Variants in ACYP2 observed in about 807,000 individuals in gnomAD.
ACYP2 encodes acylphosphatase 2.
Under a neutral mutation model 11.2 loss-of-function variants are expected in ACYP2, and 12 were observed. That is an observed-to-expected ratio of 1.08 (90% CI 0.69 to 1.74). The LOEUF is 1.74. Ranked by LOEUF, ACYP2 falls within the 40% of genes most tolerant of loss-of-function variation. ACYP2 has a pLI of 0.00. For missense variants in ACYP2, 134 were observed against 101.9 expected, an observed-to-expected ratio of 1.31 and a Z score of -1.35; for synonymous variants, 43 against 32.2, an observed-to-expected ratio of 1.33 and a Z score of -1.13.
intron 2 of ACYP2, among the ~76,000 whole-genome samples, chr2:54,011,737 ATTT>A (rs5831287): frequency 6.6e-6 from 1 of 150,648 alleles, no homozygotes; most frequent in African/African-American, 2.4e-5. Flanking sequence ...TTTTTGGTGT[ATTT>A]TTTTTTTTAA....
At chr2:54,197,955 T>C (rs557065142) in intron 6 of ACYP2, among the ~76,000 whole-genome samples, 5 of 29,756 alleles carry the variant, frequency 1.7e-4, no homozygotes, top group Non-Finnish European at 3.2e-4. Context: ...TTGTATTGTA[T>C]TGTATTGTAT....
intron 6 of ACYP2, among the ~76,000 whole-genome samples, chr2:54,244,643 T>C (rs1000234976): frequency 2.0e-5 from 3 of 152,230 alleles, no homozygotes; most frequent in Non-Finnish European, 2.9e-5. Context: ...CCTTCAACTA[T>C]TGTAGCTTTA....
At chr2:54,136,050 C>CT (rs1395760676) in intron 5 of ACYP2, among the ~76,000 whole-genome samples, 1 of 152,148 alleles carries the variant, frequency 6.6e-6, no homozygotes, top group Non-Finnish European at 1.5e-5. Context: ...CAGGTGCCTG[C>CT]TACGACATCC....
intron 6 of ACYP2, among the ~76,000 whole-genome samples, chr2:54,160,048 C>T (rs78611787): frequency 6.6e-6 from 1 of 152,308 alleles, no homozygotes; most frequent in East Asian, 1.9e-4. Flanking sequence ...CCCCACCTCC[C>T]CCTCAAGAGA....
intron 2 of ACYP2, among the ~76,000 whole-genome samples, chr2:54,012,571 G>A (rs1421805616): frequency 6.6e-6 from 1 of 152,140 alleles, no homozygotes; most frequent in Non-Finnish European, 1.5e-5. Context: ...TCCCTATGCT[G>A]ACTAGAAGCA....
chr2:54,119,051 C>CTTTTTTTTTTT (rs10542497), intron 4 of ACYP2, among the ~76,000 whole-genome samples: 10 of 43,772 alleles, frequency 2.3e-4, no homozygotes, highest in African/African-American at 1.1e-3. Flanking sequence ...TCTTAGTAGT[C>CTTTTTTTTTTT]TTTTTTTTTT....
intron 6 of ACYP2, chr2:54,143,321 C>A (rs1441186416): frequency 6.6e-6 from 1 of 152,086 alleles, no homozygotes; most frequent in African/African-American, 2.4e-5. Context: ...CTTGAATTAG[C>A]CTTTGATTGG....
chr2:54,124,009 C>T (rs1680313274), intron 4 of ACYP2, among the ~76,000 whole-genome samples: 1 of 152,142 alleles, frequency 6.6e-6, no homozygotes, highest in African/African-American at 2.4e-5. Context: ...ACTAGCTGTG[C>T]CTGTCACAGT....
At chr2:54,141,290 T>G (rs534772314) in intron 6 of ACYP2, among the ~76,000 whole-genome samples, 1 of 152,226 alleles carries the variant, frequency 6.6e-6, no homozygotes, top group South Asian at 2.1e-4. Context: ...ATAAATTGTT[T>G]TTCATTTTTA....
intron 6 of ACYP2, among the ~76,000 whole-genome samples, chr2:54,205,211 A>G (rs908305248): frequency 1.3e-5 from 2 of 152,148 alleles, no homozygotes; most frequent in Non-Finnish European, 2.9e-5. Context: ...TGGTGGGTAA[A>G]GTCTGTGAGG....
chr2:54,041,817 G>A (rs115292060), intron 2 of ACYP2, among the ~76,000 whole-genome samples: 3,187 of 152,018 alleles, frequency 0.021, 105 homozygotes, highest in African/African-American at 0.073. Flanking sequence ...TTAGAGTGGG[G>A]TCTTGCTCTG....
At chr2:53,978,282 C>T (rs1166076919) in intron 2 of ACYP2, among the ~76,000 whole-genome samples, 1 of 149,140 alleles carries the variant, frequency 6.7e-6, no homozygotes, top group African/African-American at 2.5e-5. Context: ...AAAAAAAGAA[C>T]TTCTAATTCT....
At chr2:54,114,127 G>T (rs889173808) in intron 4 of ACYP2, among the ~76,000 whole-genome samples, 1 of 152,114 alleles carries the variant, frequency 6.6e-6, no homozygotes, top group Admixed American at 6.5e-5. Context: ...AGATTGCAGT[G>T]GATTATTTTA....
chr2:54,126,487 C>T (rs546409006), intron 4 of ACYP2, among the ~76,000 whole-genome samples: 7 of 149,408 alleles, frequency 4.7e-5, no homozygotes, highest in Admixed American at 2.7e-4. Context: ...CACAAATGTA[C>T]GTATACAAAA....
chr2:54,028,621 G>C (rs1430241882), intron 2 of ACYP2, among the ~76,000 whole-genome samples: 1 of 152,202 alleles, frequency 6.6e-6, no homozygotes, highest in Non-Finnish European at 1.5e-5. Flanking sequence ...TGGATGGACA[G>C]ACTTTTGTCA....
intron 6 of ACYP2, among the ~76,000 whole-genome samples, chr2:54,207,171 A>ATGTGTGTGTG (rs1462290345): frequency 1.4e-3 from 97 of 68,486 alleles, no homozygotes; most frequent in East Asian, 8.8e-3. Context: ...TACAACATGT[A>ATGTGTGTGTG]TATGTGTGTG....
chr2:54,132,090 A>G (rs113653477), intron 4 of ACYP2, among the ~76,000 whole-genome samples: 12 of 152,334 alleles, frequency 7.9e-5, no homozygotes, highest in African/African-American at 2.9e-4. Flanking sequence ...AATATACACA[A>G]TACAACCTAG....
chr2:54,036,682 C>G (rs1674919847), intron 2 of ACYP2, among the ~76,000 whole-genome samples: 2 of 152,264 alleles, frequency 1.3e-5, no homozygotes, highest in African/African-American at 2.4e-5. Context: ...TTCTCTTTGC[C>G]TTGACTTCAA....
chr2:54,109,159 C>T (rs931036767), intron 4 of ACYP2, among the ~76,000 whole-genome samples: 2 of 152,068 alleles, frequency 1.3e-5, no homozygotes, highest in African/African-American at 4.8e-5. Flanking sequence ...AAACGCCCAT[C>T]AATCAATGAG....
Sources: allele counts gnomAD v4.1 joint callset (sites outside exome capture counted in the v4.1 genomes callset), GRCh38; gene constraint gnomAD v4.1.1; transcripts MANE v1.5; gene names NCBI Gene and HGNC (gene_info 2026-07-23, HGNC 2026-07-21).